Variants in COL23A1 observed in about 807,000 individuals in gnomAD.
COL23A1 encodes the protein collagen type XXIII alpha 1 chain.
A neutral mutation model predicts 99.3 loss-of-function variants in COL23A1; 97 were observed. The observed-to-expected ratio is 0.98, with a 90% CI of 0.83 to 1.16. The LOEUF (loss-of-function observed/expected upper bound fraction) is 1.16. Ranked by LOEUF, COL23A1 falls within the 50% of genes most tolerant of loss-of-function variation. The probability of loss-of-function intolerance (pLI) is 0.00; values close to 1 mark genes in which losing one functional copy is unlikely to be tolerated. For missense variants in COL23A1, 762 were observed against 757.4 expected (o/e 1.01, Z -0.07); for synonymous variants, 320 against 308.2 (o/e 1.04, Z -0.40).
chr5:178,474,955 C>T (rs896217477), intron 2 of COL23A1, among the ~76,000 whole-genome samples: 5 of 152,212 alleles, frequency 3.3e-5, no homozygotes, highest in Non-Finnish European at 7.3e-5. Context: ...AGGGGAGAGT[C>T]CCTCCTTGCC....
intron 11 of COL23A1, among the ~76,000 whole-genome samples, chr5:178,260,833 G>A (rs1226279353): frequency 1.3e-5 from 2 of 152,172 alleles, no homozygotes; most frequent in African/African-American, 4.8e-5. Context: ...CAGGGGCTAG[G>A]GAGAACGAGG....
In COL23A1 at chr5:178,245,941, C is replaced by A; in HGVS notation, c.1440+1G>T. On this transcript the variant is annotated splice_donor_variant, in intron 25 of 28. Transcript: ENST00000390654. LOFTEE classifies it high-confidence loss of function. Reference sequence around the variant, plus strand: ...ACTCAAAGTGATGATAAGACACTTACATCTAGTCCTGGCTCCCCGGGTCTG... The same window carrying A: ...ACTCAAAGTGATGATAAGACACTTAAATCTAGTCCTGGCTCCCCGGGTCTG... The A allele has an allele frequency of 6.2e-7, 1 of 1,614,178 alleles. No individual in the cohort carries two copies. The highest frequency in any genetic ancestry group is 8.5e-7 in the Non-Finnish European group (1 of 1,180,024).
intron 2 of COL23A1, among the ~76,000 whole-genome samples, chr5:178,349,546 C>G (rs1366922146): frequency 2.6e-5 from 4 of 151,664 alleles, no homozygotes; most frequent in Admixed American, 2.6e-4. Context: ...GGCCACCCCC[C>G]ACGCCCCACG....
intron 2 of COL23A1, among the ~76,000 whole-genome samples, chr5:178,330,260 T>C (rs1387212578): frequency 1.3e-5 from 2 of 152,212 alleles, no homozygotes; most frequent in African/African-American, 4.8e-5. Context: ...GGCTTTGACC[T>C]CTTTCAGTTT....
chr5:178,328,069 C>T (rs570347509), intron 2 of COL23A1, among the ~76,000 whole-genome samples: 5 of 152,128 alleles, frequency 3.3e-5, no homozygotes, highest in South Asian at 2.1e-4. Context: ...GAGAGCGGCA[C>T]GGTCCAACCA....
intron 5 of COL23A1, among the ~76,000 whole-genome samples, chr5:178,276,663 C>A (rs548194676): frequency 1.4e-4 from 21 of 152,334 alleles, no homozygotes; most frequent in African/African-American, 5.1e-4. Flanking sequence ...TCAGCCTAGG[C>A]TCTTTGTACA....
At chr5:178,314,269 G>A (rs978583634) in intron 2 of COL23A1, among the ~76,000 whole-genome samples, 3 of 152,144 alleles carry the variant, frequency 2.0e-5, no homozygotes, top group Non-Finnish European at 4.4e-5. Context: ...ATGCTGAACC[G>A]GGAGCCGAAC....
At chr5:178,360,094 A>G (rs536006133) in intron 2 of COL23A1, among the ~76,000 whole-genome samples, 1 of 152,282 alleles carries the variant, frequency 6.6e-6, no homozygotes, top group African/African-American at 2.4e-5. Flanking sequence ...AGCTTCTCAA[A>G]TGTCCTGGGA....
At chr5:178,585,744 G>GGAGTA (rs1454677345) in intron 1 of COL23A1, among the ~76,000 whole-genome samples, 6 of 151,976 alleles carry the variant, frequency 3.9e-5, no homozygotes, top group Admixed American at 6.5e-5. Flanking sequence ...AGCCCTGGCT[G>GGAGTA]ACCCTGTTGG....
At chr5:178,464,153 C>T (rs1365805398) in intron 2 of COL23A1, among the ~76,000 whole-genome samples, 1 of 152,232 alleles carries the variant, frequency 6.6e-6, no homozygotes, top group African/African-American at 2.4e-5. Flanking sequence ...ATCACCACGT[C>T]GACTGCCAGA....
intron 3 of COL23A1, among the ~76,000 whole-genome samples, chr5:178,299,534 G>C (rs2127595482): frequency 6.6e-6 from 1 of 152,180 alleles, no homozygotes; most frequent in African/African-American, 2.4e-5. Context: ...TGAGACTCCA[G>C]TGTTTTTCTT....
intron 2 of COL23A1, among the ~76,000 whole-genome samples, chr5:178,338,105 G>T (rs1187799689): frequency 6.6e-6 from 1 of 152,138 alleles, no homozygotes; most frequent in Non-Finnish European, 1.5e-5. Flanking sequence ...ATGGGCAGGG[G>T]AACTGACCCA....
In COL23A1 at chr5:178,263,465, C is replaced by T. The variant is rs191689245; in HGVS notation, c.523-141G>A. The T allele has an allele frequency of 4.2e-4, 258 of 607,906 alleles. No homozygotes were observed. In the African/African-American group the frequency reaches 4.4e-3, roughly 10 times the overall value. The allele number at this position is 607,906 out of a possible 1,614,324, so 37.7% of individuals were successfully genotyped here. On this transcript the variant is annotated intron_variant, in intron 8 of 28. Transcript: ENST00000390654. ...CAAAGGGGAGGGCTTTGTTATTGGG[C>T]CTCTTGCCACTTATTGGGAGCTGCA...
At chr5:178,524,342 T>C (rs569802961) in intron 2 of COL23A1, among the ~76,000 whole-genome samples, 11 of 152,278 alleles carry the variant, frequency 7.2e-5, no homozygotes, top group African/African-American at 2.4e-4. Flanking sequence ...CCTCTCTAGT[T>C]CAGAAGTTCC....
intron 1 of COL23A1, among the ~76,000 whole-genome samples, chr5:178,577,141 C>T (rs1763413916): frequency 6.6e-6 from 1 of 152,192 alleles, no homozygotes; most frequent in African/African-American, 2.4e-5. Context: ...ACTCCCAAGG[C>T]CCAGCGGGTC....
At chr5:178,578,678 C>T (rs949096518) in intron 1 of COL23A1, among the ~76,000 whole-genome samples, 3 of 151,418 alleles carry the variant, frequency 2.0e-5, no homozygotes, top group Admixed American at 1.3e-4. Flanking sequence ...CCCTGCCCCC[C>T]AAAAATTCCG....
intron 2 of COL23A1, among the ~76,000 whole-genome samples, chr5:178,397,775 T>C (rs1401488084): frequency 6.6e-6 from 1 of 151,748 alleles, no homozygotes; most frequent in East Asian, 1.9e-4. Context: ...GATCACGAGG[T>C]CAAGAGATTG....
intron 2 of COL23A1, among the ~76,000 whole-genome samples, chr5:178,453,709 G>C (rs552584283): frequency 6.6e-6 from 1 of 152,168 alleles, no homozygotes; most frequent in African/African-American, 2.4e-5. Flanking sequence ...GCAAAGATGA[G>C]GATGCTCTTC....
chr5:178,550,537 A>G (rs1473293128), intron 2 of COL23A1, among the ~76,000 whole-genome samples: 1 of 152,236 alleles, frequency 6.6e-6, no homozygotes, highest in East Asian at 1.9e-4. Context: ...CCAGGCTTAT[A>G]AAATCTGTTT....
Sources: allele counts gnomAD v4.1 joint callset (sites outside exome capture counted in the v4.1 genomes callset), GRCh38; gene constraint gnomAD v4.1.1; transcripts MANE v1.5; gene names NCBI Gene and HGNC (gene_info 2026-07-23, HGNC 2026-07-21).